CNTNAP2: variants seen among roughly 807,000 people sequenced by gnomAD.
CNTNAP2 encodes contactin-associated protein-like 2.
In CNTNAP2, 98 loss-of-function variants were observed where a neutral mutation model predicts 155.2. The ratio of observed to expected loss-of-function variants is 0.63; its 90% CI spans 0.54 to 0.75. The LOEUF (loss-of-function observed/expected upper bound fraction) is 0.75, where lower values mean the gene tolerates loss of function less well. CNTNAP2 is among the 30% of genes least tolerant of loss of function. The pLI, the probability that CNTNAP2 is intolerant of heterozygous loss-of-function variation, is 0.00. For missense variants in CNTNAP2, 1,727 were observed against 1,688.1 expected, an observed-to-expected ratio of 1.02 and a Z score of -0.40; for synonymous variants, 651 against 631.2, an observed-to-expected ratio of 1.03 and a Z score of -0.47.
At chr7:146,842,775 T>C (rs1373675528) in intron 3 of CNTNAP2, among the ~76,000 whole-genome samples, 2 of 151,804 alleles carry the variant, frequency 1.3e-5, no homozygotes, top group African/African-American at 4.8e-5. Flanking sequence ...AAGCTCCGCC[T>C]CCCGGTTTCA....
intron 1 of CNTNAP2, among the ~76,000 whole-genome samples, chr7:146,690,170 C>T (rs942452710): frequency 6.6e-6 from 1 of 151,930 alleles, no homozygotes; most frequent in African/African-American, 2.4e-5. Flanking sequence ...TTAAATAATA[C>T]CAGTCTTCCA....
chr7:148,257,248 T>C (rs1364750538), intron 20 of CNTNAP2, among the ~76,000 whole-genome samples: 3 of 152,166 alleles, frequency 2.0e-5, no homozygotes, highest in Admixed American at 6.5e-5. Flanking sequence ...CCCTGACTTA[T>C]CCATCTGCAG....
chr7:148,125,806 A>G (rs1024145864), intron 16 of CNTNAP2, among the ~76,000 whole-genome samples: 2 of 151,104 alleles, frequency 1.3e-5, no homozygotes, highest in Non-Finnish European at 2.9e-5. Context: ...GGTTCAAGTG[A>G]TTCTCCTGCC....
In CNTNAP2 at chr7:147,397,795, G is replaced by A. The variant is rs551597638; in HGVS notation, c.1670+2015G>A. Among the ~76,000 whole-genome samples the A allele has an allele frequency of 8.0e-5, 12 of 149,146 alleles. No homozygotes were observed. The South Asian group carries it at 2.5e-3, about 31-fold the overall frequency. ...ATTTTTTTTTTTTTTTGCCAAAATA[G>A]GTCAGGCCCAATATTCATCTTGCCA... On this transcript the variant is annotated intron_variant, in intron 10 of 23. Transcript: ENST00000361727.
At chr7:147,517,300 A>G (rs558075258) in intron 11 of CNTNAP2, among the ~76,000 whole-genome samples, 1 of 152,316 alleles carries the variant, frequency 6.6e-6, no homozygotes, top group South Asian at 2.1e-4. Flanking sequence ...TCTGACTGTT[A>G]GGGTTAGGGT....
At chr7:147,567,522 G>GA (rs1309369942) in intron 12 of CNTNAP2, among the ~76,000 whole-genome samples, 3 of 152,268 alleles carry the variant, frequency 2.0e-5, no homozygotes. Context: ...TGCAGAGGTT[G>GA]AAAATGGAGA....
intron 3 of CNTNAP2, among the ~76,000 whole-genome samples, chr7:146,937,252 G>A (rs1428314589): frequency 6.6e-6 from 1 of 151,750 alleles, no homozygotes; most frequent in East Asian, 1.9e-4. Context: ...TTAGCAGGGT[G>A]TGGTGGCACG....
chr7:146,968,451 T>G (rs1323206227), intron 3 of CNTNAP2, among the ~76,000 whole-genome samples: 1 of 151,862 alleles, frequency 6.6e-6, no homozygotes, highest in Non-Finnish European at 1.5e-5. Flanking sequence ...GGACTCTTTT[T>G]GGTTGGTAAG....
chr7:146,999,356 C>T (rs1479674254), intron 3 of CNTNAP2, among the ~76,000 whole-genome samples: 3 of 150,796 alleles, frequency 2.0e-5, no homozygotes, highest in Non-Finnish European at 3.0e-5. Flanking sequence ...TATTGCATAT[C>T]GATTAACAAA....
intron 22 of CNTNAP2, among the ~76,000 whole-genome samples, chr7:148,386,432 G>A (rs1363371234): frequency 6.6e-6 from 1 of 151,914 alleles, no homozygotes; most frequent in African/African-American, 2.4e-5. Flanking sequence ...GGAGGCTGAG[G>A]CAGGAGAATC....
intron 15 of CNTNAP2, among the ~76,000 whole-genome samples, chr7:148,107,996 G>T (rs1804260932): frequency 6.6e-6 from 1 of 152,180 alleles, no homozygotes; most frequent in African/African-American, 2.4e-5. Flanking sequence ...CCAAACTGCA[G>T]CCCAGAGTGC....
At chr7:146,796,872 C>T (rs1323505354) in intron 2 of CNTNAP2, among the ~76,000 whole-genome samples, 1 of 152,086 alleles carries the variant, frequency 6.6e-6, no homozygotes, top group African/African-American at 2.4e-5. Context: ...CGCGGTGGCT[C>T]ACACCTGTAA....
chr7:148,224,648 A>G (rs986379086), intron 19 of CNTNAP2, among the ~76,000 whole-genome samples: 1 of 152,234 alleles, frequency 6.6e-6, no homozygotes, highest in Non-Finnish European at 1.5e-5. Context: ...AGAAGACGGT[A>G]CAGAAGCAGG....
At chr7:146,154,909 C>G (rs1261817819) in intron 1 of CNTNAP2, among the ~76,000 whole-genome samples, 1 of 152,194 alleles carries the variant, frequency 6.6e-6, no homozygotes, top group African/African-American at 2.4e-5. Context: ...CTTCACAAGA[C>G]AGTTACTCAC....
intron 8 of CNTNAP2, among the ~76,000 whole-genome samples, chr7:147,295,444 A>G (rs1279309628): frequency 6.6e-6 from 1 of 152,168 alleles, no homozygotes; most frequent in Non-Finnish European, 1.5e-5. Context: ...ACCTGTTACC[A>G]TCTATAGGAT....
intron 4 of CNTNAP2, among the ~76,000 whole-genome samples, chr7:147,107,249 T>G (rs965978326): frequency 2.6e-5 from 4 of 152,180 alleles, no homozygotes; most frequent in African/African-American, 9.7e-5. Flanking sequence ...TGACCAATAG[T>G]GCCTAATAAA....
chr7:148,209,432 C>A (rs1423992486), intron 18 of CNTNAP2, among the ~76,000 whole-genome samples: 1 of 151,940 alleles, frequency 6.6e-6, no homozygotes, highest in East Asian at 1.9e-4. Flanking sequence ...AGCACCCAGC[C>A]AAAGCTGAAC....
chr7:146,703,631 G>T (rs905888814), intron 1 of CNTNAP2, among the ~76,000 whole-genome samples: 1 of 152,096 alleles, frequency 6.6e-6, no homozygotes, highest in Admixed American at 6.6e-5. Flanking sequence ...GTGAGGGCTT[G>T]TTCCCTATAA....
At chr7:146,631,582 G>A (rs564596628) in intron 1 of CNTNAP2, among the ~76,000 whole-genome samples, 2 of 152,168 alleles carry the variant, frequency 1.3e-5, no homozygotes, top group African/African-American at 4.8e-5. Flanking sequence ...CTTTACAAGA[G>A]AAGTTTTCTG....
Sources: gnomAD v4.1 joint callset for allele counts (sites outside exome capture counted in the v4.1 genomes callset) on GRCh38, gnomAD v4.1.1 for gene constraint, MANE v1.5 for transcripts, NCBI Gene and HGNC (gene_info 2026-07-23, HGNC 2026-07-21) for gene names.